ZFHX3: variants seen among roughly 807,000 people sequenced by gnomAD.
ZFHX3 encodes the protein zinc finger homeobox protein 3.
Under a neutral mutation model 279.1 loss-of-function variants are expected in ZFHX3, and 42 were observed. The observed-to-expected ratio is 0.15, with a 90% CI of 0.12 to 0.19. ZFHX3 has a LOEUF of 0.19. Among genes scored for constraint, ZFHX3 ranks in the 10% least tolerant of loss-of-function variants. The probability of loss-of-function intolerance (pLI) is 1.00; values close to 1 mark genes in which losing one functional copy is unlikely to be tolerated. For synonymous variants in ZFHX3, 2,293 were observed against 1,957.8 expected, an observed-to-expected ratio of 1.17 and a Z score of -4.52; for missense variants, 4,981 against 4,754.0, an observed-to-expected ratio of 1.05 and a Z score of -1.40.
At chr16:72,861,429 C>G (rs921409899) in intron 4 of ZFHX3, among the ~76,000 whole-genome samples, 1 of 152,086 alleles carries the variant, frequency 6.6e-6, no homozygotes, top group Admixed American at 6.5e-5. Flanking sequence ...CCCTGGGAGG[C>G]GGGTTACTCC....
chr16:73,755,233 C>G (rs969364827), intron 1 of ZFHX3, among the ~76,000 whole-genome samples: 2 of 152,076 alleles, frequency 1.3e-5, no homozygotes, highest in Non-Finnish European at 2.9e-5. Context: ...TGAGATTTTC[C>G]CCTTTTGCCA....
chr16:72,792,866 A>G (rs2035759811), intron 9 of ZFHX3, among the ~76,000 whole-genome samples: 1 of 152,240 alleles, frequency 6.6e-6, no homozygotes, highest in Non-Finnish European at 1.5e-5. Flanking sequence ...ATCCAGAATT[A>G]GCTAGGACTA....
intron 1 of ZFHX3, among the ~76,000 whole-genome samples, chr16:73,009,236 T>A (rs1231057224): frequency 6.6e-6 from 1 of 152,022 alleles, no homozygotes; most frequent in East Asian, 1.9e-4. Flanking sequence ...GAAAAAAAAA[T>A]GGACTCCATA....
At chr16:73,542,001 C>T (rs1187938438) in intron 2 of ZFHX3, among the ~76,000 whole-genome samples, 1 of 151,712 alleles carries the variant, frequency 6.6e-6, no homozygotes, top group African/African-American at 2.4e-5. Flanking sequence ...GGGGTTTCAC[C>T]ATGTTGGCCA....
intron 2 of ZFHX3, among the ~76,000 whole-genome samples, chr16:73,620,522 C>T (rs545829566): frequency 6.6e-6 from 1 of 152,124 alleles, no homozygotes; most frequent in Non-Finnish European, 1.5e-5. Context: ...GGGCAGCATT[C>T]CTGGTTTGAA....
At chr16:73,729,761 G>A (rs2053553270) in intron 1 of ZFHX3, among the ~76,000 whole-genome samples, 1 of 152,126 alleles carries the variant, frequency 6.6e-6, no homozygotes, top group Non-Finnish European at 1.5e-5. Flanking sequence ...TAGACCTGAA[G>A]ACTTGAGGGT....
chr16:73,842,843 A>G (rs1961348286), intron 1 of ZFHX3, among the ~76,000 whole-genome samples: 2 of 147,764 alleles, frequency 1.4e-5, no homozygotes, highest in Admixed American at 6.7e-5. Flanking sequence ...ACCCACCGCC[A>G]CCTCCCATGC....
chr16:73,016,393 A>C (rs954670792), intron 1 of ZFHX3, among the ~76,000 whole-genome samples: 3 of 152,168 alleles, frequency 2.0e-5, no homozygotes, highest in Non-Finnish European at 4.4e-5. Context: ...GGTTTAAAAA[A>C]AAAACAAAAC....
chr16:73,588,706 A>C (rs1029169931), intron 2 of ZFHX3, among the ~76,000 whole-genome samples: 1 of 141,632 alleles, frequency 7.1e-6, no homozygotes, highest in African/African-American at 2.8e-5. Flanking sequence ...AAAAAACAAA[A>C]CAAAAAAAAA....
intron 1 of ZFHX3, among the ~76,000 whole-genome samples, chr16:73,031,164 G>A (rs747208706): frequency 2.0e-5 from 3 of 152,208 alleles, no homozygotes; most frequent in South Asian, 2.1e-4. Flanking sequence ...CTCAAGAAGC[G>A]TAAAGAAAAC....
intron 1 of ZFHX3, among the ~76,000 whole-genome samples, chr16:73,054,254 A>G (rs967882760): frequency 6.6e-6 from 1 of 152,184 alleles, no homozygotes; most frequent in African/African-American, 2.4e-5. Context: ...AATGCTGCCA[A>G]GGATTCTGTT....
intron 2 of ZFHX3, among the ~76,000 whole-genome samples, chr16:73,520,132 T>C (rs2019587416): frequency 6.6e-6 from 1 of 152,078 alleles, no homozygotes; most frequent in African/African-American, 2.4e-5. Flanking sequence ...AATAGAAAAA[T>C]GAGGCCTTCT....
intron 2 of ZFHX3, among the ~76,000 whole-genome samples, chr16:73,527,002 C>T (rs2019707161): frequency 6.6e-6 from 1 of 151,964 alleles, no homozygotes; most frequent in Non-Finnish European, 1.5e-5. Flanking sequence ...ATATAAGAGA[C>T]AACTAGTTTG....
chr16:72,933,119 C>A lies in ZFHX3; in HGVS notation c.3216+17350G>T, dbSNP rs188641702. Among the ~76,000 whole-genome samples the A allele has an allele frequency of 2.5e-3, 378 of 152,296 alleles. 2 individuals are homozygous for A. Among genetic ancestry groups the A allele is most frequent in the Middle Eastern group, 0.01 (3 of 294 alleles). On this transcript the variant is annotated intron_variant, in intron 3 of 9. Transcript: ENST00000268489. The stretch of plus-strand genomic sequence containing the variant: ...TCCACCTGCCACACCAACATGTGCC[C>A]GGCATCTCGTGGGCATCCAGACACC...
chr16:72,914,295 C>A (rs1244805636), intron 3 of ZFHX3, among the ~76,000 whole-genome samples: 1 of 152,186 alleles, frequency 6.6e-6, no homozygotes, highest in Non-Finnish European at 1.5e-5. Context: ...TATAGTGTGG[C>A]AGAGAATCCA....
At position 72,895,312 on chromosome 16, in the gene ZFHX3, G is replaced by A. The variant is rs766657821; in HGVS notation, c.3217-5350C>T. 5.7e-4 allele frequency among the ~76,000 whole-genome samples: 87 copies of A among 152,254 alleles called. No homozygotes were observed. The Middle Eastern group carries it at 0.014, about 24-fold the overall frequency. On this transcript the variant is annotated intron_variant, in intron 3 of 9. Coordinates refer to ENST00000268489, the MANE Select transcript of ZFHX3 (RefSeq NM_006885.4). ...TTCCCGGAATACTATAAAACACAGG[G>A]GCCTCCTAGCTAACTCAAGAAAATC... is the stretch of plus-strand genomic sequence containing the variant.
chr16:72,950,788 T>G lies in ZFHX3; in HGVS notation c.2897A>C (p.Asn966Thr). The change falls in exon 3 of 10, where the codon AAC becomes ACC. Residue 966 changes from asparagine (N) to threonine (T), a missense_variant. By Grantham distance (65) the Asn-to-Thr change is moderately conservative (BLOSUM62 0). Coordinates refer to ENST00000268489, the MANE Select transcript of ZFHX3 (RefSeq NM_006885.4). ...DNLDMLGLHM[N>T]VERSLSEDEW... The stretch of plus-strand genomic sequence containing the variant: ...GTCCTCCGACAGGCTGCGCTCCACG[T>G]TCATGTGCAGGCCCAGCATGTCCAG... 1 of 1,614,180 alleles carries G rather than the reference T, an allele frequency of 6.2e-7. No homozygotes were observed. The highest frequency in any genetic ancestry group is 8.5e-7 in the Non-Finnish European group (1 of 1,180,026).
intron 5 of ZFHX3, among the ~76,000 whole-genome samples, chr16:73,153,836 G>C (rs1235872692): frequency 2.0e-5 from 3 of 151,868 alleles, no homozygotes; most frequent in Admixed American, 6.6e-5. Flanking sequence ...TTTTAGTAGA[G>C]TCGGGGTTTC....
intron 1 of ZFHX3, among the ~76,000 whole-genome samples, chr16:73,881,480 G>GC (rs796522913): frequency 0.27 from 6,287 of 23,516 alleles, 1,258 homozygotes; most frequent in South Asian, 0.38. Flanking sequence ...CTCTCTCTCT[G>GC]CCCCCCCCCC....
Sources: allele counts gnomAD v4.1 joint callset (sites outside exome capture counted in the v4.1 genomes callset), GRCh38; gene constraint gnomAD v4.1.1; transcripts MANE v1.5; gene names NCBI Gene and HGNC (gene_info 2026-07-23, HGNC 2026-07-21).